Variants in CNTNAP2 observed in about 807,000 individuals in gnomAD.
The protein encoded by CNTNAP2 is contactin-associated protein-like 2.
In CNTNAP2, 98 loss-of-function variants were observed where a neutral mutation model predicts 155.2. That is an observed-to-expected ratio of 0.63 (90% CI 0.54 to 0.75). The LOEUF is 0.75. Ranked by LOEUF, CNTNAP2 falls within the 30% of genes least tolerant of loss-of-function variation. CNTNAP2 has a pLI of 0.00. For synonymous variants in CNTNAP2, 651 were observed against 631.2 expected (o/e 1.03, Z -0.47); for missense variants, 1,727 against 1,688.1 (o/e 1.02, Z -0.40).
chr7:147,798,014 G>T (rs145603097), intron 13 of CNTNAP2, among the ~76,000 whole-genome samples: 1 of 152,032 alleles, frequency 6.6e-6, no homozygotes, highest in Non-Finnish European at 1.5e-5. Flanking sequence ...TAATACAGCC[G>T]TAACTTGTCT....
intron 10 of CNTNAP2, among the ~76,000 whole-genome samples, chr7:147,450,672 C>G (rs1461241949): frequency 6.6e-6 from 1 of 152,194 alleles, no homozygotes; most frequent in Non-Finnish European, 1.5e-5. Flanking sequence ...ATGTAAAAAT[C>G]TACAAGTCTT....
At chr7:146,740,175 TC>T (rs1224252938) in intron 1 of CNTNAP2, among the ~76,000 whole-genome samples, 1 of 152,016 alleles carries the variant, frequency 6.6e-6, no homozygotes, top group Non-Finnish European at 1.5e-5. Flanking sequence ...CTTTATATTT[TC>T]AAATAACCTG....
intron 11 of CNTNAP2, among the ~76,000 whole-genome samples, chr7:147,537,761 G>T (rs1182446526): frequency 6.6e-6 from 1 of 152,050 alleles, no homozygotes. Flanking sequence ...TATAACAAGG[G>T]TCCAGAAATC....
intron 13 of CNTNAP2, among the ~76,000 whole-genome samples, chr7:147,642,072 A>G (rs1795288965): frequency 6.6e-6 from 1 of 151,664 alleles, no homozygotes; most frequent in African/African-American, 2.4e-5. Flanking sequence ...AAAGTCAAAG[A>G]CTGTATGTAG....
chr7:146,321,056 CA>C (rs922990070), intron 1 of CNTNAP2, among the ~76,000 whole-genome samples: 5 of 150,108 alleles, frequency 3.3e-5, no homozygotes, highest in Non-Finnish European at 7.4e-5. Context: ...TAATAATTTT[CA>C]AAAAAATATT....
intron 12 of CNTNAP2, among the ~76,000 whole-genome samples, chr7:147,592,042 C>A (rs1800744034): frequency 6.6e-6 from 1 of 152,156 alleles, no homozygotes; most frequent in Non-Finnish European, 1.5e-5. Context: ...CTCTGTCTCC[C>A]AGGTCATGAT....
intron 17 of CNTNAP2, among the ~76,000 whole-genome samples, chr7:148,155,630 T>C (rs1805386071): frequency 6.6e-6 from 1 of 152,194 alleles, no homozygotes; most frequent in Non-Finnish European, 1.5e-5. Flanking sequence ...CCCAAGTTTT[T>C]GAAAAAGCCA....
intron 1 of CNTNAP2, among the ~76,000 whole-genome samples, chr7:146,349,447 A>G (rs924703380): frequency 5.3e-5 from 8 of 152,186 alleles, no homozygotes; most frequent in African/African-American, 1.7e-4. Context: ...TTGCAAACTT[A>G]TGCATCTATA....
At chr7:148,288,307 G>A (rs796799669) in intron 21 of CNTNAP2, among the ~76,000 whole-genome samples, 23 of 151,366 alleles carry the variant, frequency 1.5e-4, no homozygotes, top group African/African-American at 5.6e-4. Context: ...CACTATGTTG[G>A]CCAAGCTGGT....
chr7:146,695,076 A>T (rs1260444042), intron 1 of CNTNAP2, among the ~76,000 whole-genome samples: 4 of 152,152 alleles, frequency 2.6e-5, no homozygotes, highest in Non-Finnish European at 5.9e-5. Flanking sequence ...GTATAAATTG[A>T]TTTCCTTTTC....
chr7:146,220,789 G>T (rs539106128), intron 1 of CNTNAP2, among the ~76,000 whole-genome samples: 8 of 152,266 alleles, frequency 5.3e-5, no homozygotes, highest in African/African-American at 1.9e-4. Context: ...TTTTGCCTGG[G>T]ATTTGGAATT....
intron 4 of CNTNAP2, among the ~76,000 whole-genome samples, chr7:147,079,167 A>T (rs1800061271): frequency 1.3e-5 from 2 of 152,178 alleles, no homozygotes; most frequent in Admixed American, 1.3e-4. Context: ...GATTTTACGC[A>T]TTTTGACTGA....
At chr7:146,488,133 G>T (rs2129130478) in intron 1 of CNTNAP2, among the ~76,000 whole-genome samples, 1 of 152,118 alleles carries the variant, frequency 6.6e-6, no homozygotes, top group African/African-American at 2.4e-5. Context: ...CCGTCAAATT[G>T]TATCACCACA....
intron 21 of CNTNAP2, among the ~76,000 whole-genome samples, chr7:148,379,270 T>C (rs1378963230): frequency 4.6e-5 from 7 of 152,196 alleles, no homozygotes; most frequent in African/African-American, 7.2e-5. Context: ...AAAAGGAACA[T>C]TGATAGAAAA....
intron 1 of CNTNAP2, among the ~76,000 whole-genome samples, chr7:146,501,018 T>G (rs1020066616): frequency 3.3e-5 from 5 of 152,138 alleles, no homozygotes; most frequent in African/African-American, 1.2e-4. Flanking sequence ...TAATATACTA[T>G]ATTCATTGAT....
At chr7:146,671,827 T>C (rs2907671) in intron 1 of CNTNAP2, among the ~76,000 whole-genome samples, 1 of 150,374 alleles carries the variant, frequency 6.7e-6, no homozygotes, top group East Asian at 2.0e-4. Flanking sequence ...TTTATTTTTA[T>C]TTTTTTTTGA....
At chr7:146,636,860 C>G (rs1799607798) in intron 1 of CNTNAP2, among the ~76,000 whole-genome samples, 1 of 152,104 alleles carries the variant, frequency 6.6e-6, no homozygotes, top group Non-Finnish European at 1.5e-5. Context: ...TCCAAAATCC[C>G]CTCATAACCT....
At chr7:148,023,227 A>G (rs1020002176) in intron 15 of CNTNAP2, among the ~76,000 whole-genome samples, 4 of 152,182 alleles carry the variant, frequency 2.6e-5, no homozygotes, top group Non-Finnish European at 5.9e-5. Context: ...GCGATGCACA[A>G]AATACATTAT....
intron 18 of CNTNAP2, among the ~76,000 whole-genome samples, chr7:148,196,302 A>T (rs1460016833): frequency 6.6e-6 from 1 of 152,214 alleles, no homozygotes; most frequent in Admixed American, 6.5e-5. Context: ...TTGTCTTTTA[A>T]TCCCAAGTGA....
Sources: allele counts gnomAD v4.1 joint callset (sites outside exome capture counted in the v4.1 genomes callset), GRCh38; gene constraint gnomAD v4.1.1; transcripts MANE v1.5; gene names NCBI Gene and HGNC (gene_info 2026-07-23, HGNC 2026-07-21).